PRKCB: variants seen among roughly 807,000 people sequenced by gnomAD.
PRKCB encodes the protein protein kinase C beta.
In PRKCB, 13 loss-of-function variants were observed where a neutral mutation model predicts 81.5. The observed-to-expected ratio is 0.16, with a 90% CI of 0.10 to 0.25. PRKCB has a LOEUF of 0.25. PRKCB is among the 10% of genes least tolerant of loss of function. The pLI is 1.00. For missense variants in PRKCB, 509 were observed against 875.7 expected, an observed-to-expected ratio of 0.58 and a Z score of 5.29; for synonymous variants, 335 against 321.4, an observed-to-expected ratio of 1.04 and a Z score of -0.45.
chr16:24,214,602 TTTTG>T, intron 16 of PRKCB, 52 bp from the exon 17 acceptor site: 1 of 1,471,026 alleles, frequency 6.8e-7, no homozygotes, highest in Non-Finnish European at 9.4e-7. Context: ...TTATTTTGGC[TTTTG>T]TTTTTGTTTT....
chr16:24,206,729 G>GTCCC (rs1968052990), intron 16 of PRKCB, among the ~76,000 whole-genome samples: 1 of 152,116 alleles, frequency 6.6e-6, no homozygotes, highest in Non-Finnish European at 1.5e-5. Flanking sequence ...CTGTCCCATG[G>GTCCC]TCCCATGCAG....
chr16:24,070,136 G>T (rs572547185), intron 5 of PRKCB, among the ~76,000 whole-genome samples: 1 of 151,308 alleles, frequency 6.6e-6, no homozygotes, highest in African/African-American at 2.4e-5. Context: ...CATCTTGCAG[G>T]AAACCAGGGG....
chr16:24,113,348 C>A (rs1176204806), intron 8 of PRKCB, among the ~76,000 whole-genome samples: 1 of 133,630 alleles, frequency 7.5e-6, no homozygotes, highest in African/African-American at 3.7e-5. Flanking sequence ...CTTTCTTTAC[C>A]CCCCTTTTCT....
At chr16:24,171,063 T>C (rs565668390) in intron 10 of PRKCB, among the ~76,000 whole-genome samples, 1 of 152,374 alleles carries the variant, frequency 6.6e-6, no homozygotes, top group East Asian at 1.9e-4. Context: ...ATGTTATCTA[T>C]TGGTGAGTAC....
At chr16:24,091,241 T>A (rs2560406) in intron 5 of PRKCB, among the ~76,000 whole-genome samples, 157 of 152,186 alleles carry the variant, frequency 1.0e-3, no homozygotes, top group African/African-American at 3.6e-3. Context: ...TACAATGATC[T>A]TATGGTTTTC....
intron 2 of PRKCB, among the ~76,000 whole-genome samples, chr16:23,877,518 A>G (rs560901498): frequency 1.3e-5 from 2 of 152,148 alleles, no homozygotes; most frequent in Non-Finnish European, 1.5e-5. Context: ...GGTAAAGCCC[A>G]TGGGTGTTCC....
At chr16:23,976,557 A>G (rs545039124) in intron 2 of PRKCB, among the ~76,000 whole-genome samples, 1 of 152,292 alleles carries the variant, frequency 6.6e-6, no homozygotes, top group South Asian at 2.1e-4. Context: ...GCCAGTGAAG[A>G]GCGATTCCTC....
At chr16:23,913,685 C>G (rs568025004) in intron 2 of PRKCB, among the ~76,000 whole-genome samples, 7 of 152,292 alleles carry the variant, frequency 4.6e-5, no homozygotes, top group African/African-American at 1.7e-4. Context: ...TGGCTCTGCT[C>G]CATTTCTGGG....
At chr16:24,188,870 G>A (rs186458620) in intron 15 of PRKCB, among the ~76,000 whole-genome samples, 3 of 152,202 alleles carry the variant, frequency 2.0e-5, no homozygotes, top group Non-Finnish European at 2.9e-5. Flanking sequence ...AGGCCTTAGA[G>A]TATTGTTGCA....
Position 24,214,989 on chromosome 16 carries a change from GAGATGGGATTATGC to G in PRKCB, c.*180_*193del. Reference sequence around the variant, plus strand: ...CTCAGGTAGTTTGGAGCATCTCTATGAGATGGGATTATGCAGATGGCCTATGGAAAATGCAGCTG... The same window carrying G: ...CTCAGGTAGTTTGGAGCATCTCTATGAGATGGCCTATGGAAAATGCAGCTG... On this transcript the variant is annotated 3_prime_UTR_variant, in exon 17 of 17. Transcript: ENST00000643927. The G allele has an allele frequency of 7.0e-7, 1 of 1,438,188 alleles. No homozygotes were observed. The highest frequency in any genetic ancestry group is 9.1e-7 in the Non-Finnish European group (1 of 1,100,542). The allele number at this position is 1,438,188 out of a possible 1,614,324, so 89.1% of individuals were successfully genotyped here.
At chr16:23,851,261 G>T (rs1962467831) in intron 2 of PRKCB, among the ~76,000 whole-genome samples, 1 of 152,158 alleles carries the variant, frequency 6.6e-6, no homozygotes, top group Admixed American at 6.6e-5. Flanking sequence ...TGTGTATGTG[G>T]TTTGTAAGAT....
At chr16:24,126,783 G>A (rs1250848494) in intron 9 of PRKCB, among the ~76,000 whole-genome samples, 7 of 151,928 alleles carry the variant, frequency 4.6e-5, no homozygotes, top group East Asian at 1.9e-4. Flanking sequence ...TGATCCGTTC[G>A]CCTCGGCCTC....
chr16:24,056,330 G>C (rs1965902123), intron 5 of PRKCB, among the ~76,000 whole-genome samples: 1 of 152,194 alleles, frequency 6.6e-6, no homozygotes, highest in Non-Finnish European at 1.5e-5. Context: ...GGACTTGTGG[G>C]TCATACAGGT....
chr16:24,081,266 A>T (rs538010302), intron 5 of PRKCB, among the ~76,000 whole-genome samples: 2,449 of 147,632 alleles, frequency 0.017, 38 homozygotes, highest in African/African-American at 0.046. Flanking sequence ...CTTAATAATA[A>T]AAAAAAAAAT....
At chr16:24,032,360 G>C (rs894966323) in intron 4 of PRKCB, 113 bp downstream of exon 4, 7 of 637,394 alleles carry the variant, frequency 1.1e-5, no homozygotes, top group African/African-American at 1.8e-5. Context: ...GTCCTCGTTG[G>C]GGCTGGTGTA....
In PRKCB at chr16:24,041,526, CT is replaced by C. The variant is rs34651479; in HGVS notation, c.529+5990del. On this transcript the variant is annotated intron_variant, in intron 5 of 16. Coordinates refer to ENST00000643927, the MANE Select transcript of PRKCB (RefSeq NM_002738.7). ...TGTTCTTAAAGAAAGCAGAAAGAAC[CT>C]TTTTTTTTTTAAATGTTTCTCTTTG... Among the ~76,000 whole-genome samples the C allele has an allele frequency of 2.9e-3, 425 of 147,750 alleles. 1 individual carries two copies. Among genetic ancestry groups the C allele is most frequent in the African/African-American group, 8.6e-3 (347 of 40,504 alleles).
At chr16:24,041,216 A>AT (rs202084266) in intron 5 of PRKCB, among the ~76,000 whole-genome samples, 31,911 of 150,816 alleles carry the variant, frequency 0.21, 3,738 homozygotes, top group South Asian at 0.37. Context: ...TGGCCGGCTA[A>AT]TTTTTTTTTG....
chr16:24,216,259 A>C lies in PRKCB; in HGVS notation c.*1443A>C. The C allele has an allele frequency of 6.1e-6, 6 of 985,466 alleles. No individual in the cohort carries two copies. The highest frequency in any genetic ancestry group is 7.2e-6 in the Non-Finnish European group (6 of 829,944). The allele number at this position is 985,466 out of a possible 1,614,324, so 61.0% of individuals were successfully genotyped here. On this transcript the variant is annotated 3_prime_UTR_variant, in exon 17 of 17. Transcript: ENST00000643927. ...GAGCCCAAAGTCAAGTTTAGAGACC[A>C]GCTGGGAACGTGAATGGGGCTCTTG... is the stretch of plus-strand genomic sequence containing the variant.
At chr16:24,211,557 C>CTTTT (rs34318557) in intron 16 of PRKCB, among the ~76,000 whole-genome samples, 4 of 130,470 alleles carry the variant, frequency 3.1e-5, no homozygotes, top group African/African-American at 1.1e-4. Flanking sequence ...TACAGACTCA[C>CTTTT]TTTTTTTTTT....
Sources: gnomAD v4.1 joint callset for allele counts (sites outside exome capture counted in the v4.1 genomes callset) on GRCh38, gnomAD v4.1.1 for gene constraint, MANE v1.5 for transcripts, NCBI Gene and HGNC (gene_info 2026-07-23, HGNC 2026-07-21) for gene names.